MIER3: variants seen among roughly 807,000 people sequenced by gnomAD.
MIER3 encodes the protein MIER family member 3, also known as mesoderm induction early response protein 3.
In MIER3, 9 loss-of-function variants were observed where a neutral mutation model predicts 63.2. The ratio of observed to expected loss-of-function variants is 0.14; its 90% CI spans 0.09 to 0.25. MIER3 has a LOEUF of 0.25. Ranked by LOEUF, MIER3 falls within the 10% of genes least tolerant of loss-of-function variation. The pLI, the probability that MIER3 is intolerant of heterozygous loss-of-function variation, is 1.00. For missense variants in MIER3, 512 were observed against 666.2 expected (o/e 0.77, Z 2.55); for synonymous variants, 205 against 224.9 (o/e 0.91, Z 0.79).
At chr5:56,942,728 T>C (rs1259859447) in intron 3 of MIER3, among the ~76,000 whole-genome samples, 1 of 152,104 alleles carries the variant, frequency 6.6e-6, no homozygotes, top group African/African-American at 2.4e-5. Context: ...GAGGAAAAAG[T>C]AGGATTACTT....
chr5:56,930,511 G>A (rs527848658), intron 9 of MIER3, among the ~76,000 whole-genome samples, 153 bp downstream of exon 9: 1 of 152,278 alleles, frequency 6.6e-6, no homozygotes, highest in East Asian at 1.9e-4. Flanking sequence ...TAAAAATAGA[G>A]TGCAAGAAAA....
chr5:56,930,882 A>G (rs1035927181), intron 8 of MIER3, 137 bp from the exon 9 acceptor site: 5 of 698,976 alleles, frequency 7.2e-6, no homozygotes, highest in South Asian at 1.8e-5. Flanking sequence ...ATTTGAAGGT[A>G]TATTTGCCCA....
chr5:56,936,716 T>A (rs185506321), intron 5 of MIER3, among the ~76,000 whole-genome samples: 1 of 152,112 alleles, frequency 6.6e-6, no homozygotes, highest in African/African-American at 2.4e-5. Flanking sequence ...GACAGGGTCT[T>A]GCTATGTTAC....
chr5:56,934,245 A>G (rs1165450796), intron 7 of MIER3, among the ~76,000 whole-genome samples: 1 of 152,170 alleles, frequency 6.6e-6, no homozygotes, highest in Admixed American at 6.5e-5. Flanking sequence ...TATCATCCCA[A>G]CTGTAGGAGG....
chr5:56,937,519 A>G (rs1750489067), intron 5 of MIER3, 59 bp downstream of exon 5: 11 of 1,454,198 alleles, frequency 7.6e-6, no homozygotes, highest in Non-Finnish European at 7.4e-6. Context: ...ACACAATAAA[A>G]TGTACTAAAG....
At chr5:56,925,449 T>C in intron 10 of MIER3, 1 of 383,102 alleles carries the variant, frequency 2.6e-6, no homozygotes. Context: ...GTCAACTGCT[T>C]TCCTATATAA....
chr5:56,949,970 T>C (rs902442467), intron 2 of MIER3, among the ~76,000 whole-genome samples: 1 of 152,210 alleles, frequency 6.6e-6, no homozygotes, highest in Non-Finnish European at 1.5e-5. Context: ...TAATTATGCA[T>C]ATGTGCAGAG....
At chr5:56,952,129 G>A (rs1023302485), upstream of MIER3, 2 of 1,252,568 alleles carry the variant, frequency 1.6e-6, no homozygotes, top group Non-Finnish European at 2.0e-6. Context: ...CGAACGAGCA[G>A]CGCCGAGCCC....
chr5:56,933,176 T>C, intron 8 of MIER3, 71 bp downstream of exon 8: 2 of 1,398,144 alleles, frequency 1.4e-6, no homozygotes. Context: ...GTTAAAAATA[T>C]CTGTATCAAA....
chr5:56,924,099 ACTTTT>A (rs1184832444), intron 10 of MIER3, 57 bp from the exon 11 acceptor site: 5 of 1,569,848 alleles, frequency 3.2e-6, no homozygotes, highest in Non-Finnish European at 4.3e-6. Flanking sequence ...TTTTTAAGCA[ACTTTT>A]CTTTTCCACA....
chr5:56,932,766 C>T (rs530743144), intron 8 of MIER3, among the ~76,000 whole-genome samples: 2 of 152,236 alleles, frequency 1.3e-5, no homozygotes, highest in African/African-American at 2.4e-5. Context: ...TTTTTAATCA[C>T]TTCCTAAATA....
intron 9 of MIER3, chr5:56,929,668 T>C (rs1383276184): frequency 6.6e-6 from 1 of 152,200 alleles, no homozygotes; most frequent in African/African-American, 2.4e-5. Flanking sequence ...TGCTATACTC[T>C]GGAAATATAA....
chr5:56,924,212 G>T (rs1749840959), intron 10 of MIER3, among the ~76,000 whole-genome samples, 170 bp from the exon 11 acceptor site: 1 of 151,866 alleles, frequency 6.6e-6, no homozygotes, highest in African/African-American at 2.4e-5. Context: ...TTAGTGGAAT[G>T]CCTTTACATT....
intron 10 of MIER3, 35 bp from the exon 11 acceptor site, chr5:56,924,077 AACTC>A: frequency 6.3e-7 from 1 of 1,588,054 alleles, no homozygotes; most frequent in East Asian, 2.2e-5. Flanking sequence ...AAAACCAACA[AACTC>A]AACCATTTTT....
At chr5:56,928,105 CCTTTCACCTCAA>C (rs1489339698) in intron 10 of MIER3, 1 of 152,130 alleles carries the variant, frequency 6.6e-6, no homozygotes, top group Non-Finnish European at 1.5e-5. Context: ...CTTTGTTTAT[CCTTTCACCTCAA>C]AGGACATACA....
At chr5:56,933,520 C>T (rs903504806) in intron 7 of MIER3, 122 bp from the exon 8 acceptor site, 4 of 857,806 alleles carry the variant, frequency 4.7e-6, no homozygotes, top group African/African-American at 3.5e-5. Context: ...TTTGAAGACA[C>T]CAGTAATCCG....
intron 2 of MIER3, 79 bp downstream of exon 2, chr5:56,950,549 T>C: frequency 7.0e-7 from 1 of 1,435,924 alleles, no homozygotes; most frequent in Non-Finnish European, 9.7e-7. Flanking sequence ...ACATTTCTAT[T>C]GGGAATCCTT....
At chr5:56,935,090 T>C (rs1750394029) in intron 7 of MIER3, among the ~76,000 whole-genome samples, 1 of 152,182 alleles carries the variant, frequency 6.6e-6, no homozygotes, top group South Asian at 2.1e-4. Flanking sequence ...ACATTCTCAT[T>C]ATCTCAGGTG....
chr5:56,940,955 C>T (rs1376311775), intron 3 of MIER3: 2 of 985,316 alleles, frequency 2.0e-6, no homozygotes, highest in Non-Finnish European at 2.4e-6. Context: ...CAGAACCTCA[C>T]AGTTTCACAC....
Sources: gnomAD v4.1 joint callset for allele counts (sites outside exome capture counted in the v4.1 genomes callset) on GRCh38, gnomAD v4.1.1 for gene constraint, MANE v1.5 for transcripts, NCBI Gene and HGNC (gene_info 2026-07-23, HGNC 2026-07-21) for gene names.